Variants in ITPK1 observed in about 807,000 individuals in gnomAD.
The protein encoded by ITPK1 is inositol-tetrakisphosphate 1-kinase, also known as inositol 1,3,4-trisphosphate 5/6-kinase.
A neutral mutation model predicts 45.3 loss-of-function variants in ITPK1; 21 were observed. That is an observed-to-expected ratio of 0.46 (90% CI 0.33 to 0.67). The LOEUF is 0.67. Ranked by LOEUF, ITPK1 falls within the 30% of genes least tolerant of loss-of-function variation. ITPK1 has a pLI of 0.02. For synonymous variants in ITPK1, 258 were observed against 253.6 expected, an observed-to-expected ratio of 1.02 and a Z score of -0.16; for missense variants, 474 against 573.5, an observed-to-expected ratio of 0.83 and a Z score of 1.77.
chr14:93,067,879 TA>T (rs1033784163), intron 3 of ITPK1: 2 of 151,330 alleles, frequency 1.3e-5, no homozygotes, highest in African/African-American at 5.1e-5. Flanking sequence ...TGTCAATGTT[TA>T]GGGGGAAAAA....
chr14:93,029,345 G>A (rs1408090433), intron 3 of ITPK1, among the ~76,000 whole-genome samples: 2 of 152,136 alleles, frequency 1.3e-5, no homozygotes, highest in African/African-American at 2.4e-5. Flanking sequence ...AGTTGTGTCT[G>A]TGTTGGACTC....
At chr14:93,056,029 C>A (rs1890202942) in intron 3 of ITPK1, among the ~76,000 whole-genome samples, 2 of 152,194 alleles carry the variant, frequency 1.3e-5, no homozygotes, top group African/African-American at 4.8e-5. Context: ...TCCAGTGAAA[C>A]TGAACATCAC....
intron 5 of ITPK1, among the ~76,000 whole-genome samples, chr14:92,970,978 C>T (rs1006744104): frequency 2.6e-5 from 4 of 152,138 alleles, no homozygotes; most frequent in Admixed American, 1.3e-4. Context: ...AACCCACCCC[C>T]GGACTTCTCA....
chr14:93,003,210 G>A (rs568139803), intron 4 of ITPK1, among the ~76,000 whole-genome samples: 1 of 152,286 alleles, frequency 6.6e-6, no homozygotes, highest in African/African-American at 2.4e-5. Context: ...TGGTTCTGCA[G>A]AAAGCAAAGC....
At chr14:92,980,859 C>T (rs1886190657) in intron 5 of ITPK1, among the ~76,000 whole-genome samples, 2 of 152,208 alleles carry the variant, frequency 1.3e-5, no homozygotes, top group Admixed American at 1.3e-4. Context: ...AGGCACGTGC[C>T]ACCATGCCCA....
chr14:92,941,853 G>C lies in ITPK1; in HGVS notation c.953C>G (p.Thr318Ser), dbSNP rs991896172. 3 of 1,612,524 alleles carry C rather than the reference G, an allele frequency of 1.9e-6. No homozygotes were observed. Among genetic ancestry groups the C allele is most frequent in the Non-Finnish European group, 2.5e-6 (3 of 1,179,908 alleles). The change falls in exon 11 of 11, where the codon ACT becomes AGT. Residue 318 changes from threonine to serine, a missense_variant. By Grantham distance (58) the Thr-to-Ser change is moderately conservative. This residue lies in a region of ITPK1 where 367 missense variants were observed against 480.6 expected (regional missense o/e 0.76). Transcript: ENST00000267615. ...GGCTGTGCTCTGGCCCTGCAGGACA[G>C]TGGCGATGTGGTTCAGGAGGTCTGT... ...FFTDLLNHIATVLQGQSTAMA... is the reference protein window; with the variant it reads ...FFTDLLNHIASVLQGQSTAMA...
At position 93,099,836 on chromosome 14, in the gene ITPK1, G is replaced by A. The variant is rs78122275; in HGVS notation, c.95+15233C>T. Among the ~76,000 whole-genome samples, 90 of 152,122 alleles carry A rather than the reference G, an allele frequency of 5.9e-4. No homozygotes were observed. The East Asian group carries it at 0.015, about 26-fold the overall frequency. On this transcript the variant is annotated intron_variant, in intron 2 of 10. Transcript: ENST00000267615. ...AGGCCAGCCTGGGGCTCAGACTTGT[G>A]GGGGTAGGTACTCTCCACTCCCTTC...
intron 4 of ITPK1, among the ~76,000 whole-genome samples, chr14:93,013,093 C>T (rs1163677398): frequency 2.0e-5 from 3 of 152,192 alleles, no homozygotes; most frequent in Non-Finnish European, 4.4e-5. Flanking sequence ...CTCGGCATGC[C>T]GGCCCCACTT....
chr14:93,115,612 C>T (rs1395554273), intron 1 of ITPK1, among the ~76,000 whole-genome samples, 160 bp downstream of exon 1: 1 of 148,668 alleles, frequency 6.7e-6, no homozygotes, highest in East Asian at 1.9e-4. Flanking sequence ...GAGCCACACG[C>T]CCTCAGGCGG....
intron 10 of ITPK1, among the ~76,000 whole-genome samples, chr14:92,942,787 C>T (rs1256625157): frequency 1.3e-5 from 2 of 152,250 alleles, no homozygotes; most frequent in Non-Finnish European, 2.9e-5. Flanking sequence ...GAGGATTCTG[C>T]TGGCTCCCAG....
chr14:93,076,648 T>C lies in ITPK1; in HGVS notation c.96-29A>G. 1 of 1,614,072 alleles carries C rather than the reference T, an allele frequency of 6.2e-7. No individual in the cohort carries two copies. Among genetic ancestry groups the C allele is most frequent in the Non-Finnish European group, 8.5e-7 (1 of 1,179,978 alleles). On this transcript the variant is annotated intron_variant, in intron 2 of 10. Coordinates refer to ENST00000267615, the MANE Select transcript of ITPK1 (RefSeq NM_014216.6). This position sits in a 1 kb window ranked among gnomAD's most constrained non-coding sequence, Gnocchi z 4.3. ...TGGAGAAAAACAAAGAAAACAAGCG[T>C]TACTCCAGCAGGCTGGACACGTCCT...
chr14:93,039,195 G>A (rs915337562), intron 3 of ITPK1, among the ~76,000 whole-genome samples: 1 of 152,128 alleles, frequency 6.6e-6, no homozygotes, highest in Admixed American at 6.5e-5. Context: ...AGGCCTTTTG[G>A]GCAGGCTCTG....
At chr14:93,035,808 G>A (rs954101811) in intron 3 of ITPK1, among the ~76,000 whole-genome samples, 7 of 152,192 alleles carry the variant, frequency 4.6e-5, no homozygotes, top group African/African-American at 9.6e-5. Context: ...CACCCAGGTC[G>A]GTCTGGACCA....
chr14:93,109,234 T>G lies in ITPK1; in HGVS notation c.95+5835A>C, dbSNP rs1355741485. Among the ~76,000 whole-genome samples, 8 of 152,264 alleles carry G rather than the reference T, an allele frequency of 5.3e-5. No homozygotes were observed. In the East Asian group the frequency reaches 1.5e-3, roughly 29 times the overall value. The stretch of plus-strand genomic sequence containing the variant: ...GTAATGATACAAAACTTTCTCCAAA[T>G]GAAGCAGCGATGTGGAGTTTCTCCA... On this transcript the variant is annotated intron_variant, in intron 2 of 10. Transcript: ENST00000267615.
chr14:93,097,265 C>T (rs1429055499), intron 2 of ITPK1, among the ~76,000 whole-genome samples: 1 of 152,220 alleles, frequency 6.6e-6, no homozygotes, highest in East Asian at 1.9e-4. Flanking sequence ...AGTTTATTTT[C>T]TTACCCCTTG....
At chr14:93,002,423 C>G (rs1887399698) in intron 4 of ITPK1, among the ~76,000 whole-genome samples, 1 of 152,194 alleles carries the variant, frequency 6.6e-6, no homozygotes, top group African/African-American at 2.4e-5. Context: ...CGAGCAGTGG[C>G]CAAGATGGAG....
At chr14:93,005,252 A>G (rs1470408907) in intron 4 of ITPK1, among the ~76,000 whole-genome samples, 1 of 152,096 alleles carries the variant, frequency 6.6e-6, no homozygotes, top group African/African-American at 2.4e-5. Context: ...TCTTTTATAC[A>G]GTGATCTCTG....
At position 92,946,423 on chromosome 14, in the gene ITPK1, C is replaced by T. The variant is rs1416942051; in HGVS notation, c.809G>A (p.Arg270Gln). The stretch of plus-strand genomic sequence containing the variant: ...GAAGAGTGACACGCCCAGTGCCTGC[C>T]GCAGGGCCCGGGAGAGCTCCCGGAT... Reference protein sequence around the residue: ...EVIRELSRALRQALGVSLFGI... With the variant: ...EVIRELSRALQQALGVSLFGI... Residue 270 changes from arginine (R) to glutamine (Q), a missense_variant, in exon 10 of 11, where the codon CGG (arginine) becomes CAG (glutamine). Around this residue, in one of 2 missense-constraint regions of ITPK1, gnomAD observed 367 missense variants for 480.6 expected, o/e 0.76. Coordinates refer to ENST00000267615, the MANE Select transcript of ITPK1 (RefSeq NM_014216.6). 5.0e-6 allele frequency: 8 copies of T among 1,613,338 alleles called. No homozygotes were observed. The highest frequency in any genetic ancestry group is 1.7e-5 in the Admixed American group (1 of 60,030).
chr14:93,104,946 CAAGTGT>C (rs1300783696), intron 2 of ITPK1, among the ~76,000 whole-genome samples: 2 of 152,196 alleles, frequency 1.3e-5, no homozygotes, highest in African/African-American at 4.8e-5. Flanking sequence ...GAAAACGCCA[CAAGTGT>C]CTATCTGGCC....
Sources: gnomAD v4.1 joint callset for allele counts (sites outside exome capture counted in the v4.1 genomes callset) on GRCh38, gnomAD v4.1.1 for gene constraint, gnomAD v4.1.1 regional missense constraint, Gnocchi (gnomAD v3.1) non-coding constraint, MANE v1.5 for transcripts, NCBI Gene and HGNC (gene_info 2026-07-23, HGNC 2026-07-21) for gene names.